The following PTPRN2 variants were observed in gnomAD, a reference collection of about 807,000 sequenced individuals.
PTPRN2 encodes protein tyrosine phosphatase receptor type N2.
Under a neutral mutation model 118.8 loss-of-function variants are expected in PTPRN2, and 74 were observed. The ratio of observed to expected loss-of-function variants is 0.62; its 90% CI spans 0.52 to 0.76. The LOEUF is 0.76. Ranked by LOEUF, PTPRN2 falls within the 30% of genes least tolerant of loss-of-function variation. The probability of loss-of-function intolerance (pLI) is 0.00; values close to 1 mark genes in which losing one functional copy is unlikely to be tolerated. For missense variants in PTPRN2, 1,481 were observed against 1,394.4 expected, an observed-to-expected ratio of 1.06 and a Z score of -0.99; for synonymous variants, 641 against 608.0, an observed-to-expected ratio of 1.05 and a Z score of -0.80.
intron 14 of PTPRN2, among the ~76,000 whole-genome samples, chr7:157,639,032 C>CTTCT (rs1414204945): frequency 6.6e-6 from 1 of 151,934 alleles, no homozygotes; most frequent in Non-Finnish European, 1.5e-5. Context: ...TCTTTCTTTC[C>CTTCT]TTCTTTCTTT....
At chr7:158,148,672 C>A (rs1820482153) in intron 6 of PTPRN2, among the ~76,000 whole-genome samples, 1 of 97,810 alleles carries the variant, frequency 1.0e-5, no homozygotes, top group African/African-American at 3.7e-5. Context: ...CAATGACACC[C>A]CATCTCACGC....
intron 1 of PTPRN2, among the ~76,000 whole-genome samples, chr7:158,523,556 C>T (rs1369203198): frequency 8.7e-6 from 1 of 114,726 alleles, no homozygotes; most frequent in Non-Finnish European, 1.8e-5. Flanking sequence ...GAGTCCTCTG[C>T]CCTGGAGTGG....
At chr7:157,701,846 C>T (rs2952632) in intron 12 of PTPRN2, among the ~76,000 whole-genome samples, 18,219 of 121,300 alleles carry the variant, frequency 0.15, 934 homozygotes, top group Admixed American at 0.2. Context: ...TAAGAAAGCC[C>T]GGTCGGTGCT....
At chr7:157,966,393 T>A (rs977081811) in intron 11 of PTPRN2, among the ~76,000 whole-genome samples, 2 of 151,920 alleles carry the variant, frequency 1.3e-5, no homozygotes, top group Non-Finnish European at 2.9e-5. Context: ...ATCATCTTCA[T>A]CACTATCACC....
At chr7:158,337,286 C>A (rs191170967) in intron 2 of PTPRN2, among the ~76,000 whole-genome samples, 5,448 of 100,854 alleles carry the variant, frequency 0.054, 11 homozygotes, top group Middle Eastern at 0.1. Flanking sequence ...CTCACACTCT[C>A]ACCATAAGAG....
chr7:158,561,870 G>A (rs531814644), intron 1 of PTPRN2, among the ~76,000 whole-genome samples: 33 of 151,944 alleles, frequency 2.2e-4, no homozygotes, highest in African/African-American at 5.8e-4. Context: ...CCCACTGCCC[G>A]TGGCCCTGGA....
chr7:158,370,535 G>A (rs547284895), intron 2 of PTPRN2, among the ~76,000 whole-genome samples: 2 of 152,112 alleles, frequency 1.3e-5, no homozygotes, highest in Admixed American at 6.6e-5. Context: ...GGTGGATCAC[G>A]AGGTCAGGAG....
chr7:158,442,356 G>A (rs1264992610), intron 2 of PTPRN2, among the ~76,000 whole-genome samples: 8 of 152,098 alleles, frequency 5.3e-5, no homozygotes, highest in Non-Finnish European at 1.0e-4. Context: ...ATGTGCAAAC[G>A]TACGAGAGCT....
intron 12 of PTPRN2, among the ~76,000 whole-genome samples, chr7:157,770,713 C>CG (rs951894650): frequency 6.6e-6 from 1 of 152,158 alleles, no homozygotes; most frequent in Non-Finnish European, 1.5e-5. Flanking sequence ...CGGACATCCT[C>CG]GGGAAGAGCG....
rs190310545 is a variant in PTPRN2, at chr7:158,381,876, C to A, written c.164-64944G>T. On this transcript the variant is annotated intron_variant, in intron 2 of 22. Transcript: ENST00000389418. ...AGAGAGAGTTTGTGCAGAGAAACTC[C>A]CCCTTATAGAACCATCAGATCTTGT... Among the ~76,000 whole-genome samples the A allele has an allele frequency of 1.2e-3, 186 of 152,252 alleles. 1 individual carries two copies. The highest frequency in any genetic ancestry group is 4.3e-3 in the African/African-American group (177 of 41,550).
chr7:158,382,464 G>A (rs4623354), intron 2 of PTPRN2, among the ~76,000 whole-genome samples: 122,486 of 152,180 alleles, frequency 0.8, 51,198 homozygotes, highest in East Asian at 0.93. Context: ...GGAAAGAAAT[G>A]CATAAATCTG....
rs1795616602 is a variant in PTPRN2, at chr7:158,237,741, G to GTA, written c.278-32469_278-32468insTA. ...ACGAGAAACACCCACAGGTGTGTAG[G>GTA]GGCAACCCACCCCTACACTCTGCCA... On this transcript the variant is annotated intron_variant, in intron 3 of 22. Transcript: ENST00000389418. Among the ~76,000 whole-genome samples the GTA allele has an allele frequency of 2.2e-4, 2 of 8,922 alleles. 1 individual carries two copies. The highest frequency in any genetic ancestry group is 3.5e-4 in the Non-Finnish European group (2 of 5,750). 5.9% of individuals were successfully genotyped at this position (8,922 alleles called of 152,430 possible). A position where few individuals can be genotyped will look rare whatever the true frequency, so the allele number is the denominator to read the frequency against.
chr7:158,083,767 G>C (rs118030276), intron 10 of PTPRN2, among the ~76,000 whole-genome samples: 2,262 of 152,314 alleles, frequency 0.015, 51 homozygotes, highest in East Asian at 0.06. Context: ...TCGCCGTCAG[G>C]CCCAGCGAGA....
intron 12 of PTPRN2, among the ~76,000 whole-genome samples, chr7:157,811,054 G>A (rs977384183): frequency 1.3e-5 from 2 of 151,824 alleles, no homozygotes; most frequent in Non-Finnish European, 2.9e-5. Context: ...GGCGGATCAC[G>A]AAGTCAGGAG....
intron 12 of PTPRN2, among the ~76,000 whole-genome samples, chr7:157,873,165 C>T (rs923159455): frequency 6.6e-6 from 1 of 152,244 alleles, no homozygotes; most frequent in Non-Finnish European, 1.5e-5. Context: ...CTTGCCTGCC[C>T]TGAAGTCCTG....
rs1480473456 is a variant in PTPRN2 at position 158,000,417 on chromosome 7, A to ACGAGAAAGC, written c.1723+80880_1723+80881insGCTTTCTCG. 5.3e-5 allele frequency among the ~76,000 whole-genome samples: 8 copies of ACGAGAAAGC among 151,986 alleles called. No individual in the cohort carries two copies. The East Asian group carries it at 7.8e-4, about 15-fold the overall frequency. ...GGGTTCTCAGCTGGAATCACCCAAC[A>ACGAGAAAGC]CGTGAAAGCCGTGGAGAGGCCGGGA... is the stretch of plus-strand genomic sequence containing the variant. On this transcript the variant is annotated intron_variant, in intron 11 of 22. Coordinates refer to ENST00000389418, the MANE Select transcript of PTPRN2 (RefSeq NM_002847.5).
intron 12 of PTPRN2, among the ~76,000 whole-genome samples, chr7:157,776,080 T>C (rs1423679778): frequency 1.4e-5 from 2 of 146,860 alleles, no homozygotes; most frequent in Non-Finnish European, 3.0e-5. Context: ...CTCCCTCTTC[T>C]CTTCCTCCCT....
At position 157,568,829 on chromosome 7, in the gene PTPRN2, C is replaced by G. The variant is rs868715729; in HGVS notation, c.2902+73G>C. 6.9e-6 allele frequency: 10 copies of G among 1,455,588 alleles called. No individual in the cohort carries two copies. In the South Asian group the frequency reaches 1.0e-4, roughly 15 times the overall value. 90.2% of individuals were successfully genotyped at this position (1,455,588 alleles called of 1,614,324 possible). ...TTTTTTCCAGGGCCTCCCGTGAACA[C>G]GGCACCCTACGTTGCCATAGCGACG... On this transcript the variant is annotated intron_variant, in intron 21 of 22. Transcript: ENST00000389418.
intron 6 of PTPRN2, among the ~76,000 whole-genome samples, chr7:158,154,065 G>A (rs1231158719): frequency 2.0e-5 from 3 of 152,196 alleles, no homozygotes; most frequent in African/African-American, 7.2e-5. Flanking sequence ...CAGGAGCCCG[G>A]CAGGCACCCA....
Sources: allele counts gnomAD v4.1 joint callset (sites outside exome capture counted in the v4.1 genomes callset), GRCh38; gene constraint gnomAD v4.1.1; transcripts MANE v1.5; gene names NCBI Gene and HGNC (gene_info 2026-07-23, HGNC 2026-07-21).